GPR158: variants seen among roughly 807,000 people sequenced by gnomAD.
GPR158 encodes G protein-coupled receptor 158, also known as metabotropic glycine receptor.
Under a neutral mutation model 78.2 loss-of-function variants are expected in GPR158, and 30 were observed. The observed-to-expected ratio is 0.38, with a 90% confidence interval of 0.29 to 0.52. The LOEUF is 0.52. Among genes scored for constraint, GPR158 ranks in the 20% least tolerant of loss-of-function variants. The pLI is 0.83. For synonymous variants in GPR158, 581 were observed against 591.1 expected (o/e 0.98, Z 0.25); for missense variants, 1,463 against 1,523.5 (o/e 0.96, Z 0.66).
chr10:25,539,847 C>A (rs1421266343), intron 5 of GPR158, among the ~76,000 whole-genome samples: 7 of 152,178 alleles, frequency 4.6e-5, no homozygotes, highest in Admixed American at 3.9e-4. Context: ...ACTATGGAAT[C>A]AAAAATGAAC....
intron 4 of GPR158, among the ~76,000 whole-genome samples, chr10:25,441,234 G>A (rs1434940907): frequency 1.3e-5 from 2 of 152,130 alleles, no homozygotes; most frequent in African/African-American, 4.8e-5. Context: ...CAGAAGTCAT[G>A]GTTCTGGTGC....
intron 5 of GPR158, among the ~76,000 whole-genome samples, chr10:25,541,026 A>T (rs1202726935): frequency 6.7e-6 from 1 of 149,974 alleles, no homozygotes; most frequent in South Asian, 2.1e-4. Flanking sequence ...GGTATAGACC[A>T]TGTGTACAAT....
At chr10:25,505,180 C>CT (rs1206822579) in intron 5 of GPR158, among the ~76,000 whole-genome samples, 1 of 152,058 alleles carries the variant, frequency 6.6e-6, no homozygotes, top group African/African-American at 2.4e-5. Context: ...CAATGAAAGC[C>CT]TTTTTGTGTA....
intron 6 of GPR158, among the ~76,000 whole-genome samples, chr10:25,566,259 A>G (rs1836927675): frequency 6.6e-6 from 1 of 152,076 alleles, no homozygotes; most frequent in Non-Finnish European, 1.5e-5. Flanking sequence ...TTACAGCAAA[A>G]TTTTCTCTGT....
At chr10:25,481,942 C>T (rs1028839754) in intron 5 of GPR158, among the ~76,000 whole-genome samples, 1 of 152,290 alleles carries the variant, frequency 6.6e-6, no homozygotes, top group East Asian at 1.9e-4. Context: ...CGGAGGGGAA[C>T]AGACTGAGGC....
In GPR158 at chr10:25,213,915, G is replaced by T. The variant is rs570649914; in HGVS notation, c.903-7137G>T. Among the ~76,000 whole-genome samples the T allele has an allele frequency of 1.1e-4, 17 of 152,010 alleles. No homozygotes were observed. In the East Asian group the frequency reaches 3.3e-3, roughly 29 times the overall value. On this transcript the variant is annotated intron_variant, in intron 1 of 10. Transcript: ENST00000376351. ...TACTGCTTTTTAAACATTCCTTTTT[G>T]TCTCTTCATTCTGCATATTATTTGC...
At chr10:25,371,478 A>G (rs1833992329) in intron 2 of GPR158, among the ~76,000 whole-genome samples, 1 of 151,762 alleles carries the variant, frequency 6.6e-6, no homozygotes, top group Non-Finnish European at 1.5e-5. Flanking sequence ...ACAGTAACCA[A>G]AACAGCATGG....
At chr10:25,196,837 T>G (rs1852851211) in intron 1 of GPR158, among the ~76,000 whole-genome samples, 1 of 152,230 alleles carries the variant, frequency 6.6e-6, no homozygotes, top group Admixed American at 6.5e-5. Flanking sequence ...TGTATCTGTT[T>G]AGAAGTAAGT....
chr10:25,291,165 C>T (rs1430376354), intron 2 of GPR158, among the ~76,000 whole-genome samples: 2 of 151,256 alleles, frequency 1.3e-5, no homozygotes, highest in East Asian at 3.9e-4. Context: ...CAAAGAAATC[C>T]ACAATAAAAC....
intron 3 of GPR158, among the ~76,000 whole-genome samples, chr10:25,410,735 A>C (rs1834572100): frequency 6.6e-6 from 1 of 152,232 alleles, no homozygotes. Flanking sequence ...AGTTATCTGG[A>C]GTAGGGAACC....
chr10:25,517,524 T>A (rs2130677553), intron 5 of GPR158, among the ~76,000 whole-genome samples: 1 of 152,216 alleles, frequency 6.6e-6, no homozygotes, highest in South Asian at 2.1e-4. Flanking sequence ...TAGACAGCTC[T>A]TATTATTTTG....
Position 25,512,126 on chromosome 10 carries a change from G to A in GPR158, c.1405-38850G>A, listed in dbSNP as rs559215131. On this transcript the variant is annotated intron_variant, in intron 5 of 10. Transcript: ENST00000376351. Reference sequence around the variant, plus strand: ...TTGAATTTGTAGATCACTTTTGGCAGGATGGTCATTTTCACAATATTGATT... The same window carrying A: ...TTGAATTTGTAGATCACTTTTGGCAAGATGGTCATTTTCACAATATTGATT... Among the ~76,000 whole-genome samples, 194 of 152,208 alleles carry A rather than the reference G, an allele frequency of 1.3e-3. 1 individual carries two copies. The highest frequency in any genetic ancestry group is 4.6e-3 in the African/African-American group (191 of 41,512).
chr10:25,240,238 G>A (rs1266842575), intron 2 of GPR158, among the ~76,000 whole-genome samples: 1 of 152,260 alleles, frequency 6.6e-6, no homozygotes, highest in East Asian at 1.9e-4. Flanking sequence ...GCCAGGCACA[G>A]TGGCTCATGC....
At chr10:25,203,809 G>A (rs187995829) in intron 1 of GPR158, among the ~76,000 whole-genome samples, 3 of 144,638 alleles carry the variant, frequency 2.1e-5, no homozygotes, top group African/African-American at 7.9e-5. Context: ...GTCATTGGTA[G>A]CTTGATGGGG....
chr10:25,329,932 T>G (rs923283411), intron 2 of GPR158, among the ~76,000 whole-genome samples: 10 of 152,140 alleles, frequency 6.6e-5, no homozygotes, highest in African/African-American at 2.4e-4. Flanking sequence ...TGTAACACTT[T>G]GGATGTTAAA....
intron 1 of GPR158, among the ~76,000 whole-genome samples, chr10:25,187,314 G>A (rs1230164567): frequency 1.3e-5 from 2 of 151,916 alleles, no homozygotes; most frequent in African/African-American, 4.8e-5. Flanking sequence ...CCAAAGCCTG[G>A]CAGAGACACA....
At chr10:25,562,718 A>C (rs940695709) in intron 6 of GPR158, among the ~76,000 whole-genome samples, 1 of 152,188 alleles carries the variant, frequency 6.6e-6, no homozygotes, top group East Asian at 1.9e-4. Flanking sequence ...GGAATGTTCC[A>C]CGTGCACTTG....
At chr10:25,375,291 G>A (rs1834062022) in intron 2 of GPR158, among the ~76,000 whole-genome samples, 2 of 151,428 alleles carry the variant, frequency 1.3e-5, no homozygotes. Context: ...TTTTTGGATA[G>A]GTTGCTTGCC....
rs142143179 is a variant in GPR158 at position 25,557,486 on chromosome 10, T to C, written c.1514+6401T>C. ...AGTCACTCTTTAATTGTAAAATCTCTAACTGGCTAGAAGATGAGATAGTTC... is the reference window on the plus strand; with the variant it reads ...AGTCACTCTTTAATTGTAAAATCTCCAACTGGCTAGAAGATGAGATAGTTC... On this transcript the variant is annotated intron_variant, in intron 6 of 10. Transcript: ENST00000376351. 3.4e-3 allele frequency among the ~76,000 whole-genome samples: 518 copies of C among 152,306 alleles called. 1 individual carries two copies. The highest frequency in any genetic ancestry group is 0.011 in the African/African-American group (439 of 41,556).
Sources: gnomAD v4.1 joint callset for allele counts (sites outside exome capture counted in the v4.1 genomes callset) on GRCh38, gnomAD v4.1.1 for gene constraint, MANE v1.5 for transcripts, NCBI Gene and HGNC (gene_info 2026-07-23, HGNC 2026-07-21) for gene names.